The following SNW1 variants were observed in gnomAD, a reference collection of about 807,000 sequenced individuals.
SNW1 encodes SNW domain containing 1, also known as SNW domain-containing protein 1.
Under a neutral mutation model 75.6 loss-of-function variants are expected in SNW1, and 9 were observed. That is an observed-to-expected ratio of 0.12 (90% CI 0.07 to 0.21). The LOEUF is 0.21. Among genes scored for constraint, SNW1 ranks in the 10% least tolerant of loss-of-function variants. The probability of loss-of-function intolerance (pLI) is 1.00; values close to 1 mark genes in which losing one functional copy is unlikely to be tolerated. For synonymous variants in SNW1, 200 were observed against 219.1 expected (o/e 0.91, Z 0.77); for missense variants, 409 against 670.9 (o/e 0.61, Z 4.31).
At chr14:77,754,169 G>A (rs965092442) in intron 2 of SNW1, among the ~76,000 whole-genome samples, 7 of 151,164 alleles carry the variant, frequency 4.6e-5, no homozygotes, top group Non-Finnish European at 7.4e-5. Context: ...CTCAGCCTCC[G>A]GAGTAGCTGG....
intron 1 of SNW1, among the ~76,000 whole-genome samples, chr14:77,758,604 G>C (rs546512480): frequency 6.6e-6 from 1 of 152,150 alleles, no homozygotes; most frequent in Non-Finnish European, 1.5e-5. Flanking sequence ...TTCCTAGCAT[G>C]TATTACGTGA....
chr14:77,745,808 G>C (rs1314858458), intron 3 of SNW1, among the ~76,000 whole-genome samples: 1 of 152,138 alleles, frequency 6.6e-6, no homozygotes, highest in African/African-American at 2.4e-5. Context: ...CAGATCACTT[G>C]AGCTCAGGAG....
At chr14:77,758,403 T>C (rs548228698) in intron 1 of SNW1, among the ~76,000 whole-genome samples, 13 of 152,288 alleles carry the variant, frequency 8.5e-5, no homozygotes, top group African/African-American at 2.6e-4. Context: ...CTTTTTTGAT[T>C]GCTCCTTGCT....
chr14:77,760,384 C>A (rs17752726), intron 1 of SNW1, among the ~76,000 whole-genome samples: 25,520 of 152,178 alleles, frequency 0.17, 2,455 homozygotes, highest in Non-Finnish European at 0.22. Flanking sequence ...AGTTTTTCCA[C>A]TTAAAATGGG....
intron 10 of SNW1, among the ~76,000 whole-genome samples, chr14:77,725,840 TGA>T (rs2080580606): frequency 6.6e-6 from 1 of 152,150 alleles, no homozygotes. Context: ...AGCTTGAGTC[TGA>T]GAGGCGGAGG....
At chr14:77,722,531 C>T in intron 11 of SNW1, 1 of 452,802 alleles carries the variant, frequency 2.2e-6, no homozygotes, top group Non-Finnish European at 4.4e-6. Flanking sequence ...ATTTATCTCA[C>T]CATTTGAGGT....
At position 77,739,059 on chromosome 14, in the gene SNW1, G is replaced by T; in HGVS notation, c.333C>A (p.Val111=). The change falls in exon 4 of 14, where the codon GTC becomes GTA. Residue 111 remains valine (V), a splice_region_variant and synonymous_variant. Coordinates refer to ENST00000261531, the MANE Select transcript of SNW1 (RefSeq NM_012245.3). ...IARQGQSKDK[V]IYSKYTDLVP... Reference sequence around the variant, plus strand: ...CCAGGTCAGTGTATTTGCTATAAATGACCTAAAATGTTCAAACACAAGCAG... The same window carrying T: ...CCAGGTCAGTGTATTTGCTATAAATTACCTAAAATGTTCAAACACAAGCAG... 6.2e-7 allele frequency: 1 copy of T among 1,610,650 alleles called. No individual in the cohort carries two copies. The highest frequency in any genetic ancestry group is 1.1e-5 in the South Asian group (1 of 90,980).
At chr14:77,735,511 G>A (rs370199919) in intron 7 of SNW1, among the ~76,000 whole-genome samples, 6 of 152,162 alleles carry the variant, frequency 3.9e-5, no homozygotes, top group South Asian at 4.1e-4. Flanking sequence ...TTGAACTCCC[G>A]ACTTCAGGTG....
chr14:77,760,658 C>G lies in SNW1; in HGVS notation c.14+456G>C, dbSNP rs536534994. 8.7e-5 allele frequency: 61 copies of G among 702,248 alleles called. 1 individual carries two copies. The South Asian group carries it at 8.9e-4, about 10-fold the overall frequency. The allele number at this position is 702,248 out of a possible 1,614,324, so 43.5% of individuals were successfully genotyped here. ...CTCCGGGCCTCTTTTTTCAGGAATCCTTGTTTCGGGACACCCAGTGGACAG... is the reference window on the plus strand; with the variant it reads ...CTCCGGGCCTCTTTTTTCAGGAATCGTTGTTTCGGGACACCCAGTGGACAG... On this transcript the variant is annotated intron_variant, in intron 1 of 13. Transcript: ENST00000261531.
intron 11 of SNW1, chr14:77,722,760 G>A: frequency 2.7e-6 from 1 of 373,014 alleles, no homozygotes. Flanking sequence ...GAAAGGGAGA[G>A]AAGCAAAACT....
chr14:77,738,005 A>G (rs1215273798), intron 5 of SNW1, among the ~76,000 whole-genome samples: 1 of 150,722 alleles, frequency 6.6e-6, no homozygotes, highest in South Asian at 2.1e-4. Flanking sequence ...AAAAAAAAAA[A>G]AAAAAGAAAA....
chr14:77,753,397 T>C (rs564578502), intron 2 of SNW1, among the ~76,000 whole-genome samples: 3 of 152,328 alleles, frequency 2.0e-5, no homozygotes, highest in South Asian at 2.1e-4. Flanking sequence ...TATTAGATGA[T>C]GCCAATCACT....
intron 1 of SNW1, 26 bp from the exon 2 acceptor site, chr14:77,755,146 G>A (rs1179265582): frequency 2.5e-6 from 4 of 1,592,322 alleles, no homozygotes; most frequent in East Asian, 2.2e-5. Context: ...ATAAAAGTCA[G>A]AAATTTAAAA....
chr14:77,733,120 C>T (rs573344038), intron 8 of SNW1, among the ~76,000 whole-genome samples: 2 of 152,272 alleles, frequency 1.3e-5, no homozygotes, highest in South Asian at 2.1e-4. Flanking sequence ...TTAACCTTCA[C>T]GATAACTCTA....
chr14:77,736,454 C>A (rs1342614589), intron 6 of SNW1, among the ~76,000 whole-genome samples: 1 of 151,902 alleles, frequency 6.6e-6, no homozygotes, highest in African/African-American at 2.4e-5. Flanking sequence ...GAGGCTGAGA[C>A]AAGAGAATCG....
chr14:77,734,394 T>C (rs1161314362), intron 8 of SNW1, among the ~76,000 whole-genome samples: 4 of 152,252 alleles, frequency 2.6e-5, no homozygotes. Flanking sequence ...TATGACACTT[T>C]ATTCTACTTA....
intron 5 of SNW1, among the ~76,000 whole-genome samples, chr14:77,737,747 T>C (rs1048322894): frequency 3.3e-5 from 5 of 152,074 alleles, no homozygotes; most frequent in Non-Finnish European, 7.4e-5. Flanking sequence ...TCCCAGCACA[T>C]TGGGAGGCCG....
intron 1 of SNW1, among the ~76,000 whole-genome samples, chr14:77,758,340 CA>C (rs1462275716): frequency 2.3e-5 from 2 of 88,778 alleles, no homozygotes; most frequent in Non-Finnish European, 4.5e-5. Flanking sequence ...AAAAAAAGAA[CA>C]AATTTTCGTA....
chr14:77,749,714 T>A (rs2080792741), intron 3 of SNW1, among the ~76,000 whole-genome samples: 1 of 152,220 alleles, frequency 6.6e-6, no homozygotes, highest in East Asian at 1.9e-4. Flanking sequence ...TTGCAATGAA[T>A]TATGAGGGTG....
Sources: gnomAD v4.1 joint callset for allele counts (sites outside exome capture counted in the v4.1 genomes callset) on GRCh38, gnomAD v4.1.1 for gene constraint, MANE v1.5 for transcripts, NCBI Gene and HGNC (gene_info 2026-07-23, HGNC 2026-07-21) for gene names.